ADAMTSL1: variants seen among roughly 807,000 people sequenced by gnomAD.
ADAMTSL1 encodes the protein ADAMTS like 1.
A neutral mutation model predicts 201.8 loss-of-function variants in ADAMTSL1; 126 were observed. That is an observed-to-expected ratio of 0.62 (90% CI 0.54 to 0.72). The LOEUF is 0.72. ADAMTSL1 is among the 30% of genes least tolerant of loss of function. The pLI, the probability that ADAMTSL1 is intolerant of heterozygous loss-of-function variation, is 0.00. For missense variants in ADAMTSL1, 2,679 were observed against 2,277.8 expected (o/e 1.18, Z -3.59); for synonymous variants, 1,121 against 903.4 (o/e 1.24, Z -4.32).
chr9:18,056,540 T>C (rs1399464475), intron 1 of ADAMTSL1, among the ~76,000 whole-genome samples: 1 of 151,912 alleles, frequency 6.6e-6, no homozygotes, highest in Non-Finnish European at 1.5e-5. Context: ...AAACAACACA[T>C]AGGGAGACGG....
At chr9:18,892,782 G>C (rs191648811) in intron 26 of ADAMTSL1, among the ~76,000 whole-genome samples, 186 bp downstream of exon 26, 171 of 152,230 alleles carry the variant, frequency 1.1e-3, no homozygotes, top group Admixed American at 3.5e-3. Context: ...AATTCTTTGT[G>C]TAATTCTATG....
At chr9:18,666,301 A>G (rs1020071582) in intron 9 of ADAMTSL1, among the ~76,000 whole-genome samples, 3 of 152,174 alleles carry the variant, frequency 2.0e-5, no homozygotes, top group African/African-American at 7.2e-5. Context: ...TAATCCTTAT[A>G]AGGGAAGTGA....
intron 2 of ADAMTSL1, among the ~76,000 whole-genome samples, chr9:18,429,793 T>C (rs544895107): frequency 6.6e-6 from 1 of 152,264 alleles, no homozygotes; most frequent in East Asian, 1.9e-4. Flanking sequence ...TTTTTGTTTT[T>C]GTTTTTGTTT....
chr9:17,935,905 G>C (rs1384297980), intron 1 of ADAMTSL1, among the ~76,000 whole-genome samples: 1 of 152,126 alleles, frequency 6.6e-6, no homozygotes, highest in South Asian at 2.1e-4. Flanking sequence ...ACGCCCTCCA[G>C]TGCTTCCCAT....
chr9:18,761,886 C>T (rs529098088), intron 16 of ADAMTSL1, among the ~76,000 whole-genome samples: 1 of 152,218 alleles, frequency 6.6e-6, no homozygotes, highest in African/African-American at 2.4e-5. Flanking sequence ...TGGCTGCCTC[C>T]CATACCTGGA....
chr9:18,172,105 A>G (rs1055867306), intron 2 of ADAMTSL1, among the ~76,000 whole-genome samples: 8 of 143,792 alleles, frequency 5.6e-5, no homozygotes, highest in Non-Finnish European at 9.1e-5. Flanking sequence ...AGGGAGGAGA[A>G]CATCAAACAC....
At chr9:18,605,495 A>T (rs1404177630) in intron 4 of ADAMTSL1, among the ~76,000 whole-genome samples, 1 of 152,220 alleles carries the variant, frequency 6.6e-6, no homozygotes, top group African/African-American at 2.4e-5. Flanking sequence ...GACAGTCTAC[A>T]CATTTTAAGG....
intron 2 of ADAMTSL1, among the ~76,000 whole-genome samples, chr9:18,414,487 C>T (rs983924839): frequency 1.3e-5 from 2 of 151,944 alleles, no homozygotes; most frequent in Non-Finnish European, 2.9e-5. Flanking sequence ...CGTGAAACAA[C>T]CAAAAAAACA....
chr9:18,448,878 C>T lies in ADAMTSL1; in HGVS notation c.208-55951C>T, dbSNP rs115373538. Among the ~76,000 whole-genome samples the T allele has an allele frequency of 4.0e-5, 6 of 151,782 alleles. No homozygotes were observed. The East Asian group carries it at 7.7e-4, about 20-fold the overall frequency. On this transcript the variant is annotated intron_variant, in intron 2 of 29. Coordinates refer to the ADAMTSL1 transcript ENST00000680146. ...AAAAATGCTCTATGGTTACAAGGCTCGAATGTTTAAAATTTATGTGAGTGA... is the reference window on the plus strand; with the variant it reads ...AAAAATGCTCTATGGTTACAAGGCTTGAATGTTTAAAATTTATGTGAGTGA...
Position 18,746,322 on chromosome 9 carries a change from C to G in ADAMTSL1, c.2007-6976C>G, listed in dbSNP as rs548087458. On this transcript the variant is annotated intron_variant, in intron 15 of 28. Transcript: ENST00000380548. ...ATCCTAGACCCTGTACGTGCCCCTC[C>G]TTAGGCTTTCTAGAGTTGGCACACT... Among the ~76,000 whole-genome samples the G allele has an allele frequency of 6.2e-4, 94 of 152,236 alleles. 1 individual carries two copies. Among genetic ancestry groups the G allele is most frequent in the African/African-American group, 2.2e-3 (90 of 41,534 alleles).
At chr9:18,156,716 G>A (rs1426792849) in intron 1 of ADAMTSL1, among the ~76,000 whole-genome samples, 1 of 151,784 alleles carries the variant, frequency 6.6e-6, no homozygotes, top group African/African-American at 2.4e-5. Context: ...TGATAAAAAT[G>A]TGCCCATCCA....
intron 1 of ADAMTSL1, among the ~76,000 whole-genome samples, chr9:18,094,788 A>C (rs565739924): frequency 6.7e-6 from 1 of 148,816 alleles, no homozygotes; most frequent in South Asian, 2.1e-4. Flanking sequence ...GGATGCTCTC[A>C]ATCTCCTGAC....
intron 1 of ADAMTSL1, among the ~76,000 whole-genome samples, chr9:18,501,950 T>G (rs1305392342): frequency 6.6e-6 from 1 of 152,200 alleles, no homozygotes; most frequent in Non-Finnish European, 1.5e-5. Context: ...AAGCTTTTAG[T>G]ACTTCTTCAA....
intron 2 of ADAMTSL1, among the ~76,000 whole-genome samples, chr9:18,178,527 A>C (rs1828287549): frequency 6.6e-6 from 1 of 152,124 alleles, no homozygotes; most frequent in South Asian, 2.1e-4. Flanking sequence ...AGCCCACCAC[A>C]GCTCAAGGAG....
chr9:18,652,256 C>T (rs1828328439), intron 7 of ADAMTSL1, among the ~76,000 whole-genome samples: 2 of 151,380 alleles, frequency 1.3e-5, no homozygotes, highest in South Asian at 4.2e-4. Context: ...TCTGTGATCC[C>T]AGCTACTCGG....
intron 1 of ADAMTSL1, among the ~76,000 whole-genome samples, chr9:17,983,493 G>C (rs1461619243): frequency 6.6e-6 from 1 of 152,120 alleles, no homozygotes; most frequent in Non-Finnish European, 1.5e-5. Context: ...AAAAAAATAA[G>C]TTACATGTAT....
At chr9:18,030,753 G>A (rs540567872) in intron 1 of ADAMTSL1, among the ~76,000 whole-genome samples, 1 of 152,160 alleles carries the variant, frequency 6.6e-6, no homozygotes, top group African/African-American at 2.4e-5. Flanking sequence ...ACTCAAATAT[G>A]TTTTCCAAGT....
At chr9:18,289,228 C>T (rs921590090) in intron 2 of ADAMTSL1, among the ~76,000 whole-genome samples, 1 of 151,850 alleles carries the variant, frequency 6.6e-6, no homozygotes, top group East Asian at 1.9e-4. Context: ...TACTATAAGG[C>T]CTTGGCTCAC....
intron 2 of ADAMTSL1, among the ~76,000 whole-genome samples, chr9:18,282,212 G>C (rs1262063543): frequency 6.6e-6 from 1 of 152,102 alleles, no homozygotes; most frequent in Admixed American, 6.5e-5. Context: ...ATGGCTACCT[G>C]ATCCATCCGT....
Sources: allele counts gnomAD v4.1 joint callset (sites outside exome capture counted in the v4.1 genomes callset), GRCh38; gene constraint gnomAD v4.1.1; transcripts MANE v1.5; gene names NCBI Gene and HGNC (gene_info 2026-07-23, HGNC 2026-07-21).